The following QTGAL variants were observed in gnomAD, a reference collection of about 807,000 sequenced individuals.
The protein encoded by QTGAL is BGnT-like protein 1.
At chr17:83,014,132 C>T in the QTGAL span, among the ~76,000 whole-genome samples, 2 of 152,202 alleles carry the variant, frequency 1.3e-5, no homozygotes, top group African/African-American at 4.8e-5. Flanking sequence ...ATAAGAAAAA[C>T]GTTTAACTGT....
At chr17:83,050,922 G>A in the QTGAL span, among the ~76,000 whole-genome samples, 8 of 152,194 alleles carry the variant, frequency 5.3e-5, no homozygotes, top group East Asian at 1.4e-3. Flanking sequence ...TGAAGCAGGT[G>A]TGCAGGCACA....
At chr17:82,965,869 G>C in the QTGAL span, 1 of 1,034,720 alleles carries the variant, frequency 9.7e-7, no homozygotes, top group African/African-American at 1.6e-5. Context: ...TTCTCCACAG[G>C]GTCAGGGCCT....
the QTGAL span, among the ~76,000 whole-genome samples, chr17:82,969,065 C>T: frequency 6.1e-5 from 9 of 148,376 alleles, no homozygotes; most frequent in East Asian, 2.0e-4. Flanking sequence ...ACCCAGGAGG[C>T]GGAGGTTGCA....
At chr17:82,961,130 C>A in the QTGAL span, 2 of 1,607,948 alleles carry the variant, frequency 1.2e-6, no homozygotes, top group African/African-American at 1.3e-5. Flanking sequence ...CGGATGACGC[C>A]GCCGCCCTTC....
chr17:82,950,298 T>C, the QTGAL span, among the ~76,000 whole-genome samples: 87,768 of 151,948 alleles, frequency 0.58, 25,468 homozygotes, highest in East Asian at 0.63. Flanking sequence ...TTCATATGAG[T>C]GCCCCAAGAT....
chr17:83,048,343 A>G, the QTGAL span: 5 of 831,804 alleles, frequency 6.0e-6, no homozygotes, highest in Admixed American at 4.4e-5. Flanking sequence ...TAGGTTCTTA[A>G]TAAGTGGTAT....
the QTGAL span, among the ~76,000 whole-genome samples, chr17:83,047,455 C>G: frequency 6.6e-6 from 1 of 150,790 alleles, no homozygotes; most frequent in Non-Finnish European, 1.5e-5. Flanking sequence ...CAATCCTTAT[C>G]AAAGAAAAAG....
At chr17:83,042,720 T>G in the QTGAL span, among the ~76,000 whole-genome samples, 13 of 152,176 alleles carry the variant, frequency 8.5e-5, no homozygotes, top group African/African-American at 3.1e-4. Flanking sequence ...TAAATGTAAA[T>G]GGACTAAATT....
At chr17:82,997,643 A>G in the QTGAL span, among the ~76,000 whole-genome samples, 1 of 152,230 alleles carries the variant, frequency 6.6e-6, no homozygotes, top group Non-Finnish European at 1.5e-5. Context: ...CTAAATGTCT[A>G]TCATCACATG....
At chr17:82,972,776 A>G in the QTGAL span, among the ~76,000 whole-genome samples, 1 of 130,878 alleles carries the variant, frequency 7.6e-6, no homozygotes, top group African/African-American at 3.2e-5. Flanking sequence ...ACACCACACC[A>G]CAGGGGCTAG....
chr17:82,960,507 G>GCA, the QTGAL span: 36,351 of 152,648 alleles, frequency 0.24, 5,351 homozygotes, highest in Non-Finnish European at 0.33. Context: ...AATTCTACAT[G>GCA]CAGTTTCACC....
chr17:83,002,627 T>C, the QTGAL span, among the ~76,000 whole-genome samples: 3 of 152,138 alleles, frequency 2.0e-5, no homozygotes, highest in African/African-American at 7.2e-5. Context: ...AAGCCACCCA[T>C]GTGGCAACGG....
the QTGAL span, among the ~76,000 whole-genome samples, chr17:83,028,466 A>C: frequency 6.8e-6 from 1 of 147,930 alleles, no homozygotes. Context: ...CGGAGCCTGC[A>C]GTGAGCCGAG....
At chr17:83,035,816 C>A in the QTGAL span, among the ~76,000 whole-genome samples, 2 of 152,052 alleles carry the variant, frequency 1.3e-5, no homozygotes, top group African/African-American at 4.8e-5. Context: ...GGGGCTGGCA[C>A]ATGTGTGACG....
At chr17:83,036,326 G>C in the QTGAL span, among the ~76,000 whole-genome samples, 1 of 152,232 alleles carries the variant, frequency 6.6e-6, no homozygotes, top group African/African-American at 2.4e-5. Context: ...ATTCTTCTGT[G>C]CTGTGAGAAA....
the QTGAL span, among the ~76,000 whole-genome samples, chr17:82,987,986 C>T: frequency 2.0e-4 from 31 of 152,264 alleles, no homozygotes; most frequent in African/African-American, 7.5e-4. Context: ...AGGTCCTTCA[C>T]CTCCCTTGTT....
chr17:82,957,423 A>G, the QTGAL span: 1 of 1,612,864 alleles, frequency 6.2e-7, no homozygotes, highest in South Asian at 1.1e-5. Context: ...AGCGTTCCAG[A>G]TGGTGAAGGC....
chr17:82,958,450 G>A, the QTGAL span, among the ~76,000 whole-genome samples: 6 of 152,228 alleles, frequency 3.9e-5, no homozygotes, highest in Non-Finnish European at 8.8e-5. Context: ...GGCCTCCCCT[G>A]AGCAGGGCCC....
chr17:83,007,233 A>T, the QTGAL span: 1 of 985,398 alleles, frequency 1.0e-6, no homozygotes, highest in Non-Finnish European at 1.2e-6. Flanking sequence ...CCTAAAGCAC[A>T]TGCTAAAAAT....
Sources: allele counts gnomAD v4.1 joint callset (sites outside exome capture counted in the v4.1 genomes callset), GRCh38; gene constraint gnomAD v4.1.1; transcripts MANE v1.5; gene names NCBI Gene and HGNC (gene_info 2026-07-23, HGNC 2026-07-21).